The following MCUB variants were observed in gnomAD, a reference collection of about 807,000 sequenced individuals.
MCUB encodes mitochondrial calcium uniporter dominant negative subunit beta.
MCUB carries 46 observed loss-of-function variants against 41.4 expected under a neutral mutation model. That is an observed-to-expected ratio of 1.11 (90% CI 0.88 to 1.42). The LOEUF (loss-of-function observed/expected upper bound fraction) is 1.42. Ranked by LOEUF, MCUB falls within the 40% of genes most tolerant of loss-of-function variation. The pLI is 0.00. For synonymous variants in MCUB, 148 were observed against 148.2 expected (o/e 1.00, Z 0.01); for missense variants, 403 against 404.9 (o/e 1.00, Z 0.04).
intron 1 of MCUB, among the ~76,000 whole-genome samples, chr4:109,658,089 T>G (rs1332170269): frequency 6.6e-6 from 1 of 152,294 alleles, no homozygotes; most frequent in South Asian, 2.1e-4. Context: ...CGGCCTCCCA[T>G]AGTGCTAGGA....
intron 1 of MCUB, among the ~76,000 whole-genome samples, chr4:109,584,049 G>A (rs1727246448): frequency 6.6e-6 from 1 of 152,096 alleles, no homozygotes; most frequent in South Asian, 2.1e-4. Flanking sequence ...TGTACCTCTG[G>A]TAGAATTCAG....
intron 2 of MCUB, among the ~76,000 whole-genome samples, chr4:109,659,740 T>A (rs1046426739): frequency 5.3e-5 from 8 of 152,236 alleles, no homozygotes; most frequent in Non-Finnish European, 7.3e-5. Context: ...CACTGCAACT[T>A]CTGCTTCCCA....
At chr4:109,618,701 A>G (rs1388688808) in intron 1 of MCUB, among the ~76,000 whole-genome samples, 1 of 152,248 alleles carries the variant, frequency 6.6e-6, no homozygotes, top group Non-Finnish European at 1.5e-5. Flanking sequence ...CTATAGGGGA[A>G]ATAAAATATC....
chr4:109,570,342 C>G (rs1380141642), intron 1 of MCUB, among the ~76,000 whole-genome samples: 4 of 152,168 alleles, frequency 2.6e-5, no homozygotes, highest in Non-Finnish European at 4.4e-5. Context: ...TCTTATTCTG[C>G]TAGTACAGGT....
At chr4:109,648,460 T>G in intron 1 of MCUB, 1 of 315,950 alleles carries the variant, frequency 3.2e-6, no homozygotes, top group Non-Finnish European at 6.1e-6. Context: ...ATGCCAAACG[T>G]ATTCTGTTTC....
intron 1 of MCUB, among the ~76,000 whole-genome samples, chr4:109,581,786 C>T (rs960680589): frequency 1.3e-5 from 2 of 152,196 alleles, no homozygotes; most frequent in Non-Finnish European, 2.9e-5. Flanking sequence ...AAATGCTTAT[C>T]ATCACTGGCC....
chr4:109,678,360 TG>T (rs1259484361), intron 4 of MCUB, among the ~76,000 whole-genome samples: 1 of 151,778 alleles, frequency 6.6e-6, no homozygotes, highest in East Asian at 1.9e-4. Context: ...ACCTCCCAGG[TG>T]GGGCGGCCGG....
At chr4:109,650,801 T>G (rs998991642) in intron 1 of MCUB, among the ~76,000 whole-genome samples, 2 of 152,218 alleles carry the variant, frequency 1.3e-5, no homozygotes, top group African/African-American at 4.8e-5. Flanking sequence ...AGTTGTCATG[T>G]CTCCTCCACT....
intron 1 of MCUB, among the ~76,000 whole-genome samples, chr4:109,627,862 G>C (rs1728394991): frequency 1.3e-5 from 2 of 151,160 alleles, no homozygotes; most frequent in Admixed American, 1.3e-4. Context: ...GCAGTGAGCT[G>C]AGATCAGGCC....
chr4:109,561,917 T>G (rs1726650276), intron 1 of MCUB, among the ~76,000 whole-genome samples: 1 of 152,020 alleles, frequency 6.6e-6, no homozygotes, highest in Admixed American at 6.6e-5. Flanking sequence ...CCCGGCTAAT[T>G]TTTGTATTTT....
chr4:109,629,351 T>C (rs1728425784), intron 1 of MCUB, among the ~76,000 whole-genome samples: 1 of 152,150 alleles, frequency 6.6e-6, no homozygotes, highest in South Asian at 2.1e-4. Flanking sequence ...AAACCAGTGT[T>C]TTTTCTATTG....
At chr4:109,592,144 C>T (rs183192) in intron 1 of MCUB, among the ~76,000 whole-genome samples, 53,953 of 151,746 alleles carry the variant, frequency 0.36, 11,485 homozygotes, top group South Asian at 0.54. Flanking sequence ...TGGTGACTCA[C>T]GCCTGTAATC....
At chr4:109,683,690 C>G (rs909812736) in intron 5 of MCUB, among the ~76,000 whole-genome samples, 1 of 152,156 alleles carries the variant, frequency 6.6e-6, no homozygotes, top group Admixed American at 6.5e-5. Context: ...TGGCACAGAG[C>G]TTCATTACAG....
At chr4:109,628,568 A>C (rs1728410445) in intron 1 of MCUB, among the ~76,000 whole-genome samples, 3 of 152,160 alleles carry the variant, frequency 2.0e-5, no homozygotes, top group Admixed American at 6.5e-5. Flanking sequence ...AATAAGAACA[A>C]ATTTGATTGA....
chr4:109,683,431 T>G (rs892992346), intron 5 of MCUB, among the ~76,000 whole-genome samples: 4 of 152,140 alleles, frequency 2.6e-5, no homozygotes, highest in Admixed American at 1.3e-4. Flanking sequence ...TTTTTTATCG[T>G]TTACCATTTT....
chr4:109,587,128 T>C (rs896216578), intron 1 of MCUB, among the ~76,000 whole-genome samples: 1 of 152,246 alleles, frequency 6.6e-6, no homozygotes, highest in Non-Finnish European at 1.5e-5. Context: ...TTGAGATTCC[T>C]GGGCTGCTTT....
intron 1 of MCUB, among the ~76,000 whole-genome samples, chr4:109,566,299 C>T (rs973596333): frequency 6.6e-6 from 1 of 151,462 alleles, no homozygotes; most frequent in African/African-American, 2.4e-5. Flanking sequence ...GAAACCCCGT[C>T]TCTACTAAAA....
intron 1 of MCUB, among the ~76,000 whole-genome samples, chr4:109,599,678 TTTA>T (rs1727682734): frequency 7.2e-6 from 1 of 139,224 alleles, no homozygotes; most frequent in Non-Finnish European, 1.5e-5. Flanking sequence ...TATTTATTTA[TTTA>T]TTTTTTTAAG....
chr4:109,572,480 CT>C (rs1157562461), intron 1 of MCUB, among the ~76,000 whole-genome samples: 1 of 152,102 alleles, frequency 6.6e-6, no homozygotes, highest in Admixed American at 6.6e-5. Flanking sequence ...TATAGACAAG[CT>C]TGTTATAAAT....
Sources: allele counts gnomAD v4.1 joint callset (sites outside exome capture counted in the v4.1 genomes callset), GRCh38; gene constraint gnomAD v4.1.1; transcripts MANE v1.5; gene names NCBI Gene and HGNC (gene_info 2026-07-23, HGNC 2026-07-21).